The following PAPSS1 variants were observed in gnomAD, a reference collection of about 807,000 sequenced individuals.
The protein encoded by PAPSS1 is bifunctional 3'-phosphoadenosine 5'-phosphosulfate synthase 1.
In PAPSS1, 50 loss-of-function variants were observed where a neutral mutation model predicts 72.0. The ratio of observed to expected loss-of-function variants is 0.69; its 90% CI spans 0.55 to 0.88. The LOEUF (loss-of-function observed/expected upper bound fraction) is 0.88. Among genes scored for constraint, PAPSS1 ranks in the 40% least tolerant of loss-of-function variants. PAPSS1 has a pLI of 0.00. For synonymous variants in PAPSS1, 261 were observed against 263.6 expected, an observed-to-expected ratio of 0.99 and a Z score of 0.09; for missense variants, 657 against 782.2, an observed-to-expected ratio of 0.84 and a Z score of 1.91.
intron 10 of PAPSS1, among the ~76,000 whole-genome samples, chr4:107,640,350 T>C (rs1459650735): frequency 6.6e-6 from 1 of 152,192 alleles, no homozygotes; most frequent in African/African-American, 2.4e-5. Context: ...GAACATCCTG[T>C]TGATAACCAA....
intron 10 of PAPSS1, among the ~76,000 whole-genome samples, chr4:107,641,313 C>T (rs1726535740): frequency 6.6e-6 from 1 of 152,174 alleles, no homozygotes; most frequent in Non-Finnish European, 1.5e-5. Context: ...TCCCAGAATC[C>T]CCTACTTCCA....
chr4:107,690,173 G>C lies in PAPSS1; in HGVS notation c.412-2996C>G, dbSNP rs367566773. Among the ~76,000 whole-genome samples, 14 of 152,250 alleles carry C rather than the reference G, an allele frequency of 9.2e-5. No homozygotes were observed. In the East Asian group the frequency reaches 1.5e-3, roughly 17 times the overall value. On this transcript the variant is annotated intron_variant, in intron 3 of 11. Coordinates refer to ENST00000265174, the MANE Select transcript of PAPSS1 (RefSeq NM_005443.5). ...TGCAAACCCAATGATACCAATCTCT[G>C]TTATAATCTCAAACTATTAACTCCT...
At chr4:107,651,837 C>T (rs1388769632) in intron 9 of PAPSS1, among the ~76,000 whole-genome samples, 1 of 152,162 alleles carries the variant, frequency 6.6e-6, no homozygotes, top group Non-Finnish European at 1.5e-5. Context: ...TTTAAAGTGC[C>T]TTACACATCT....
intron 7 of PAPSS1, among the ~76,000 whole-genome samples, chr4:107,655,451 A>G (rs1260098686): frequency 6.6e-6 from 1 of 152,232 alleles, no homozygotes; most frequent in Non-Finnish European, 1.5e-5. Context: ...AACTGATACC[A>G]GCTATCACTA....
chr4:107,677,514 A>C (rs1192563264), intron 5 of PAPSS1, among the ~76,000 whole-genome samples: 1 of 152,226 alleles, frequency 6.6e-6, no homozygotes. Context: ...TAGAATGGCG[A>C]TCATTAAAAA....
intron 10 of PAPSS1, among the ~76,000 whole-genome samples, chr4:107,644,165 T>C (rs1314963208): frequency 6.6e-6 from 1 of 152,096 alleles, no homozygotes; most frequent in African/African-American, 2.4e-5. Context: ...TTGCTGCAGC[T>C]AGCATATTGA....
At chr4:107,616,057 A>G (rs755807178) in intron 11 of PAPSS1, among the ~76,000 whole-genome samples, 1 of 150,430 alleles carries the variant, frequency 6.6e-6, no homozygotes, top group African/African-American at 2.5e-5. Flanking sequence ...ACTCAGACAA[A>G]TATCACTGCT....
intron 5 of PAPSS1, among the ~76,000 whole-genome samples, chr4:107,672,276 C>A (rs1298819893): frequency 6.6e-6 from 1 of 152,200 alleles, no homozygotes; most frequent in Non-Finnish European, 1.5e-5. Flanking sequence ...GGCATCGCCT[C>A]ACCCAGGAAG....
intron 5 of PAPSS1, among the ~76,000 whole-genome samples, chr4:107,680,718 G>C (rs1727782736): frequency 6.6e-6 from 1 of 152,184 alleles, no homozygotes; most frequent in Non-Finnish European, 1.5e-5. Context: ...GAAGATGAAA[G>C]AATGGATGCT....
chr4:107,719,360 G>C (rs1723716921), intron 1 of PAPSS1, among the ~76,000 whole-genome samples: 1 of 152,060 alleles, frequency 6.6e-6, no homozygotes, highest in Non-Finnish European at 1.5e-5. Context: ...GGAAGATAAG[G>C]CTCTTTCTCA....
chr4:107,720,194 C>A lies in PAPSS1; in HGVS notation c.-15G>T. 3.1e-6 allele frequency: 5 copies of A among 1,599,626 alleles called. No individual in the cohort carries two copies. Among genetic ancestry groups the A allele is most frequent in the South Asian group, 1.1e-5 (1 of 89,402 alleles). On this transcript the variant is annotated 5_prime_UTR_variant, in exon 1 of 12. Transcript: ENST00000265174. ...GGGATCTCCATGACCGCGGAGCGCG[C>A]TGAGCAGCCGGGGTTCTCTGCGCCG...
intron 5 of PAPSS1, among the ~76,000 whole-genome samples, chr4:107,681,057 C>A (rs1389570939): frequency 6.6e-6 from 1 of 151,944 alleles, no homozygotes; most frequent in Non-Finnish European, 1.5e-5. Context: ...ATAATATATT[C>A]AGACAAAGAA....
chr4:107,619,230 T>C (rs553910321), intron 11 of PAPSS1, among the ~76,000 whole-genome samples: 16 of 152,294 alleles, frequency 1.1e-4, no homozygotes, highest in Non-Finnish European at 5.9e-5. Context: ...ATCCAGAAGT[T>C]TGCTTGCATT....
intron 11 of PAPSS1, among the ~76,000 whole-genome samples, chr4:107,621,533 C>T (rs182379047): frequency 1.1e-4 from 17 of 151,298 alleles, no homozygotes; most frequent in African/African-American, 4.1e-4. Context: ...CCCTTATTCA[C>T]CCAAGAATGC....
Position 107,632,903 on chromosome 4 carries a change from T to C in PAPSS1, c.1507-1043A>G, listed in dbSNP as rs35258630. Among the ~76,000 whole-genome samples the C allele has an allele frequency of 2.6e-3, 403 of 152,318 alleles. 4 individuals are homozygous for C. Among genetic ancestry groups the C allele is most frequent in the Non-Finnish European group, 3.9e-3 (264 of 68,016 alleles). ...AATAACCAAATCATCTTTTATTGTTTTGTTTTCATTTTCTCTCTCCTGGTA... is the reference window on the plus strand; with the variant it reads ...AATAACCAAATCATCTTTTATTGTTCTGTTTTCATTTTCTCTCTCCTGGTA... On this transcript the variant is annotated intron_variant, in intron 10 of 11. Coordinates refer to ENST00000265174, the MANE Select transcript of PAPSS1 (RefSeq NM_005443.5).
intron 10 of PAPSS1, among the ~76,000 whole-genome samples, chr4:107,643,233 A>G (rs895112767): frequency 6.6e-6 from 1 of 152,200 alleles, no homozygotes; most frequent in Non-Finnish European, 1.5e-5. Context: ...GCTGTGATGC[A>G]ATACTCAGGC....
intron 10 of PAPSS1, among the ~76,000 whole-genome samples, chr4:107,633,442 C>G (rs1726273796): frequency 6.6e-6 from 1 of 152,000 alleles, no homozygotes; most frequent in African/African-American, 2.4e-5. Flanking sequence ...TGATTTTTTT[C>G]CACTTGCATA....
intron 10 of PAPSS1, among the ~76,000 whole-genome samples, chr4:107,638,423 T>A (rs1726444568): frequency 6.6e-6 from 1 of 152,164 alleles, no homozygotes. Flanking sequence ...TCCAAAAAGA[T>A]ATACCTCAAA....
At chr4:107,691,011 C>A (rs1305904347) in intron 3 of PAPSS1, among the ~76,000 whole-genome samples, 1 of 152,052 alleles carries the variant, frequency 6.6e-6, no homozygotes. Flanking sequence ...TTATTATGCT[C>A]CTATTATTTA....
Sources: allele counts gnomAD v4.1 joint callset (sites outside exome capture counted in the v4.1 genomes callset), GRCh38; gene constraint gnomAD v4.1.1; transcripts MANE v1.5; gene names NCBI Gene and HGNC (gene_info 2026-07-23, HGNC 2026-07-21).